CEP295: variants seen among roughly 807,000 people sequenced by gnomAD.
The protein encoded by CEP295 is centrosomal protein of 295 kDa.
Under a neutral mutation model 291.6 loss-of-function variants are expected in CEP295, and 190 were observed. The ratio of observed to expected loss-of-function variants is 0.65; its 90% confidence interval spans 0.58 to 0.73. The LOEUF (loss-of-function observed/expected upper bound fraction) is 0.73, where lower values mean the gene tolerates loss of function less well. Ranked by LOEUF, CEP295 falls within the 30% of genes least tolerant of loss-of-function variation. The pLI is 0.00. For missense variants in CEP295, 2,863 were observed against 2,949.4 expected, an observed-to-expected ratio of 0.97 and a Z score of 0.68; for synonymous variants, 993 against 1,038.8, an observed-to-expected ratio of 0.96 and a Z score of 0.85.
At chr11:93,685,565 T>C (rs960214945) in intron 9 of CEP295, among the ~76,000 whole-genome samples, 2 of 152,230 alleles carry the variant, frequency 1.3e-5, no homozygotes, top group African/African-American at 4.8e-5. Context: ...AGCTTAAGGT[T>C]ACTGTGTTTT....
chr11:93,729,903 A>G lies in CEP295; in HGVS notation c.7601A>G (p.Lys2534Arg). Reference protein sequence around the residue: ...SSVSRLKGVNKVRASFPEDRK... With the variant: ...SSVSRLKGVNRVRASFPEDRK... Reference sequence around the variant, plus strand: ...GTGAGTCGTCTAAAGGGCGTGAATAAAGTCAGAGCATCTTTTCCTGAAGAC... The same window carrying G: ...GTGAGTCGTCTAAAGGGCGTGAATAGAGTCAGAGCATCTTTTCCTGAAGAC... The change falls in exon 28 of 30, where the codon AAA (lysine) becomes AGA (arginine). Residue 2534 changes from lysine to arginine, a missense_variant. Transcript: ENST00000325212. 1.3e-6 allele frequency: 2 copies of G among 1,550,224 alleles called. No homozygotes were observed. Among genetic ancestry groups the G allele is most frequent in the Non-Finnish European group, 1.7e-6 (2 of 1,146,690 alleles).
Position 93,697,887 on chromosome 11 carries a change from A to T in CEP295, c.2975A>T (p.Glu992Val). ...AGAAGAGTATGTTCCGAACAGGCTGAGCCCTCTTTCCCATTTCAGGTAGCT... is the reference window on the plus strand; with the variant it reads ...AGAAGAGTATGTTCCGAACAGGCTGTGCCCTCTTTCCCATTTCAGGTAGCT... Reference protein sequence around the residue: ...LDRRVCSEQAEPSFPFQVAQH... With the variant: ...LDRRVCSEQAVPSFPFQVAQH... Residue 992 changes from glutamate to valine, a missense_variant, in exon 15 of 30, where the codon GAG becomes GTG. Coordinates refer to ENST00000325212, the MANE Select transcript of CEP295 (RefSeq NM_033395.2). 6.4e-7 allele frequency: 1 copy of T among 1,551,754 alleles called. No homozygotes were observed. Among genetic ancestry groups the T allele is most frequent in the East Asian group, 2.4e-5 (1 of 40,926 alleles).
intron 5 of CEP295, among the ~76,000 whole-genome samples, chr11:93,674,783 A>G (rs75127603): frequency 0.051 from 7,746 of 152,240 alleles, 304 homozygotes; most frequent in Non-Finnish European, 0.079. Context: ...TGCATGGTTT[A>G]TTATTTAATT....
chr11:93,714,728 CA>C (rs1466910392), intron 18 of CEP295, among the ~76,000 whole-genome samples: 1 of 152,234 alleles, frequency 6.6e-6, no homozygotes, highest in Non-Finnish European at 1.5e-5. Context: ...CTTGCAGACT[CA>C]TAGAGGTACT....
At chr11:93,682,071 A>C (rs1170367024) in intron 7 of CEP295, among the ~76,000 whole-genome samples, 1 of 152,158 alleles carries the variant, frequency 6.6e-6, no homozygotes, top group Non-Finnish European at 1.5e-5. Flanking sequence ...ACAACTTTAG[A>C]TAATTAGAAT....
At chr11:93,729,244 G>A in intron 25 of CEP295, 190 bp from the exon 26 acceptor site, 2 of 604,620 alleles carry the variant, frequency 3.3e-6, no homozygotes, top group Middle Eastern at 4.4e-4. Flanking sequence ...AGACCAGCCT[G>A]GGCAACAAGG....
At chr11:93,664,152 G>A (rs1950110099) in intron 1 of CEP295, among the ~76,000 whole-genome samples, 1 of 152,114 alleles carries the variant, frequency 6.6e-6, no homozygotes, top group Admixed American at 6.6e-5. Context: ...ATTTAAATAT[G>A]AGGGAATTTC....
rs376665297 is a variant in CEP295, at chr11:93,729,474, C to T, written c.7343C>T (p.Ser2448Leu). Residue 2448 changes from serine to leucine, a missense_variant, in exon 26 of 30, where the codon TCA (serine) becomes TTA (leucine). Physicochemically the swap from Ser to Leu is moderately radical, Grantham distance 145 (BLOSUM62 -2). Around this residue, in one of 3 missense-constraint regions of CEP295, gnomAD observed 2,295 missense variants for 2,335.7 expected, o/e 0.98. Coordinates refer to ENST00000325212, the MANE Select transcript of CEP295 (RefSeq NM_033395.2). ...CCTCTTGTATCAGCAACAGAAGCCT[C>T]AGATTATCCAGCTGTATCAGAACTT... ...FLPLVSATEA[S>L]DYPAVSELSI... 285 of 1,551,954 alleles carry T rather than the reference C, an allele frequency of 1.8e-4. 2 individuals are homozygous for T. In the African/African-American group the frequency reaches 3.6e-3, roughly 20 times the overall value.
chr11:93,684,982 T>A (rs1387497434), intron 9 of CEP295, among the ~76,000 whole-genome samples: 1 of 152,216 alleles, frequency 6.6e-6, no homozygotes, highest in Non-Finnish European at 1.5e-5. Context: ...CATTCTGAAC[T>A]TTTTTACTTG....
chr11:93,723,546 G>A, intron 21 of CEP295: 1 of 318,564 alleles, frequency 3.1e-6, no homozygotes, highest in Non-Finnish European at 5.8e-6. Context: ...TTACGGCTGA[G>A]GCGGTATTAC....
At chr11:93,704,615 T>C (rs1252124320) in intron 17 of CEP295, among the ~76,000 whole-genome samples, 2 of 152,148 alleles carry the variant, frequency 1.3e-5, no homozygotes, top group African/African-American at 2.4e-5. Flanking sequence ...GTAGGTGAAC[T>C]ACCAGGCCCT....
At chr11:93,694,929 T>C (rs1470054422) in intron 12 of CEP295, among the ~76,000 whole-genome samples, 1 of 152,208 alleles carries the variant, frequency 6.6e-6, no homozygotes, top group African/African-American at 2.4e-5. Flanking sequence ...TACTCAAACA[T>C]GTTCATATTA....
In CEP295 at chr11:93,724,392, G is replaced by A. The variant is rs761314675; in HGVS notation, c.6318+17G>A. ...TTTTACCAGGTATATTAAAGTAGAT[G>A]TCCCATTGCAGTGAATATCTAAAAA... On this transcript the variant is annotated intron_variant, in intron 22 of 29. Transcript: ENST00000325212. 1 of 1,543,914 alleles carries A rather than the reference G, an allele frequency of 6.5e-7. No homozygotes were observed. The highest frequency in any genetic ancestry group is 1.2e-5 in the South Asian group (1 of 83,112).
At position 93,725,700 on chromosome 11, in the gene CEP295, G is replaced by A; in HGVS notation, c.6368G>A (p.Ser2123Asn). ...CACTGTGCTACTGGATTATCCAAAA[G>A]TACAGTTTATTTCACAGCACTGAGG... ...ESHCATGLSK[S>N]TVYFTALRRT... is the part of the protein sequence containing the mutation. Residue 2123 changes from serine to asparagine, a missense_variant, in exon 23 of 30, where the codon AGT (serine) becomes AAT (asparagine). Around this residue, in one of 3 missense-constraint regions of CEP295, gnomAD observed 2,295 missense variants for 2,335.7 expected, o/e 0.98. Transcript: ENST00000325212. 3 of 1,551,422 alleles carry A rather than the reference G, an allele frequency of 1.9e-6. No individual in the cohort carries two copies. The highest frequency in any genetic ancestry group is 2.6e-6 in the Non-Finnish European group (3 of 1,146,960).
In CEP295 at chr11:93,667,677, T is replaced by A. The variant is rs1950253222; in HGVS notation, c.179T>A (p.Phe60Tyr). 2 of 1,551,274 alleles carry A rather than the reference T, an allele frequency of 1.3e-6. No homozygotes were observed. The highest frequency in any genetic ancestry group is 2.7e-5 in the African/African-American group (2 of 72,980). The stretch of plus-strand genomic sequence containing the variant: ...ATAAAACAGAGGAGAAATCAACAAT[T>A]TACACGTTTGGCAGAGGAGCTAAGG... The part of the protein sequence containing the change: ...EDIKQRRNQQ[F>Y]TRLAEELRAE... The change falls in exon 3 of 30, where the codon TTT (phenylalanine) becomes TAT (tyrosine). Residue 60 changes from phenylalanine (F) to tyrosine (Y), a missense_variant. Physicochemically the swap from Phe to Tyr is conservative, Grantham distance 22. This residue lies in a region of CEP295 where 554 missense variants were observed against 576.0 expected (regional missense o/e 0.96). Transcript: ENST00000325212.
intron 15 of CEP295, among the ~76,000 whole-genome samples, chr11:93,701,413 A>G (rs746198264): frequency 5.0e-4 from 76 of 152,140 alleles, no homozygotes; most frequent in Admixed American, 9.2e-4. Flanking sequence ...ATTTAGTCTA[A>G]ATAGAATTCT....
At chr11:93,728,876 G>C (rs1232740957) in intron 25 of CEP295, 55 bp downstream of exon 25, 8 of 1,452,114 alleles carry the variant, frequency 5.5e-6, no homozygotes, top group Non-Finnish European at 6.4e-6. Flanking sequence ...CAGTTGATTT[G>C]TCTCTTACAA....
chr11:93,663,803 T>A (rs1357648028), intron 1 of CEP295, among the ~76,000 whole-genome samples: 1 of 152,208 alleles, frequency 6.6e-6, no homozygotes, highest in Non-Finnish European at 1.5e-5. Flanking sequence ...AAGTAATGGA[T>A]ACCTAAAATT....
chr11:93,672,661 T>C (rs1170887433), intron 5 of CEP295, among the ~76,000 whole-genome samples: 1 of 152,192 alleles, frequency 6.6e-6, no homozygotes, highest in Non-Finnish European at 1.5e-5. Flanking sequence ...TTTTGTCCTG[T>C]ACTTGGGTAG....
Sources: allele counts gnomAD v4.1 joint callset (sites outside exome capture counted in the v4.1 genomes callset), GRCh38; gene constraint gnomAD v4.1.1; regional missense constraint gnomAD v4.1.1; transcripts MANE v1.5; gene names NCBI Gene and HGNC (gene_info 2026-07-23, HGNC 2026-07-21).